The following ABCA9 variants were observed in gnomAD, a reference collection of about 807,000 sequenced individuals.
ABCA9 encodes ATP binding cassette subfamily A member 9.
In ABCA9, 183 loss-of-function variants were observed where a neutral mutation model predicts 205.3. The observed-to-expected ratio is 0.89, with a 90% CI of 0.79 to 1.01. The LOEUF (loss-of-function observed/expected upper bound fraction) is 1.01. Ranked by LOEUF, ABCA9 falls within the 50% of genes least tolerant of loss-of-function variation. ABCA9 has a pLI of 0.00. For synonymous variants in ABCA9, 651 were observed against 683.3 expected (o/e 0.95, Z 0.74); for missense variants, 1,805 against 1,912.4 (o/e 0.94, Z 1.05).
chr17:69,001,551 G>T (rs1322680966), intron 25 of ABCA9, among the ~76,000 whole-genome samples: 18 of 151,680 alleles, frequency 1.2e-4, no homozygotes, highest in South Asian at 2.1e-4. Context: ...GCATCAATGT[G>T]CATCAAGGAT....
chr17:69,017,687 T>G lies in ABCA9; in HGVS notation c.2870A>C (p.Asn957Thr). Residue 957 changes from asparagine (N) to threonine (T), a missense_variant, in exon 21 of 39, where the codon AAT (asparagine) becomes ACT (threonine). Physicochemically the swap from Asn to Thr is moderately conservative, Grantham distance 65. Transcript: ENST00000340001. ...TRNGTDDPSYNGAIIVSGDEK... is the reference protein window; with the variant it reads ...TRNGTDDPSYTGAIIVSGDEK... ...ATCACCTGACACAATGATAGCACCA[T>G]TGTAAGATGGGTCATCTGTGCCATT... The G allele has an allele frequency of 6.2e-7, 1 of 1,613,358 alleles. No homozygotes were observed. The highest frequency in any genetic ancestry group is 8.5e-7 in the Non-Finnish European group (1 of 1,179,428).
At chr17:69,049,237 G>A (rs1331727248) in intron 3 of ABCA9, 46 bp downstream of exon 3, 5 of 1,467,932 alleles carry the variant, frequency 3.4e-6, no homozygotes, top group Middle Eastern at 1.8e-4. Flanking sequence ...ATGAATTTGT[G>A]CCTTTTGCAA....
intron 28 of ABCA9, among the ~76,000 whole-genome samples, chr17:68,991,511 C>T (rs377223075): frequency 1.3e-5 from 2 of 152,128 alleles, no homozygotes; most frequent in East Asian, 1.9e-4. Context: ...CCATTGATTC[C>T]TGCTCATTCT....
At chr17:69,032,806 C>G (rs1433996069) in intron 9 of ABCA9, 2 of 152,274 alleles carry the variant, frequency 1.3e-5, no homozygotes, top group Admixed American at 6.5e-5. Context: ...AAATTTCTTA[C>G]TTGGGAAGTT....
chr17:69,010,887 A>C (rs190280651), intron 23 of ABCA9, among the ~76,000 whole-genome samples: 3 of 152,298 alleles, frequency 2.0e-5, no homozygotes, highest in Admixed American at 2.0e-4. Flanking sequence ...AAAATCATGA[A>C]GTGAGCACAA....
At chr17:69,067,415 G>C in the ABCA9 span, among the ~76,000 whole-genome samples, 1 of 151,846 alleles carries the variant, frequency 6.6e-6, no homozygotes, top group Admixed American at 6.6e-5. Flanking sequence ...AGGTGTGGTA[G>C]TACATGCCTG....
At chr17:68,999,741 C>G (rs889354023) in intron 25 of ABCA9, among the ~76,000 whole-genome samples, 1 of 152,140 alleles carries the variant, frequency 6.6e-6, no homozygotes, top group Non-Finnish European at 1.5e-5. Context: ...ATAGTCCCAC[C>G]AACAGTGTAA....
chr17:69,043,427 T>C (rs2071611348), intron 6 of ABCA9, 62 bp downstream of exon 6: 3 of 1,383,084 alleles, frequency 2.2e-6, no homozygotes, highest in African/African-American at 2.9e-5. Flanking sequence ...GTCTAAGGAG[T>C]CAACCAGCTA....
intron 34 of ABCA9, 31 bp downstream of exon 34, chr17:68,984,854 C>T (rs202172685): frequency 4.8e-5 from 78 of 1,613,974 alleles, no homozygotes; most frequent in Non-Finnish European, 5.9e-5. Context: ...TCAATACACT[C>T]ATGCAGAGGT....
intron 6 of ABCA9, among the ~76,000 whole-genome samples, chr17:69,036,890 AAAAAAAAAG>A: frequency 7.0e-6 from 1 of 143,302 alleles, no homozygotes; most frequent in African/African-American, 2.6e-5. Context: ...AAAAAAAAAA[AAAAAAAAAG>A]CAGAGGTTGC....
At chr17:69,050,931 A>G (rs1171271784) in intron 2 of ABCA9, 100 bp downstream of exon 2, 28 of 1,048,322 alleles carry the variant, frequency 2.7e-5, no homozygotes, top group African/African-American at 3.2e-5. Flanking sequence ...TAGACTACAC[A>G]TATGTGCAAT....
chr17:69,037,869 A>C, intron 6 of ABCA9, among the ~76,000 whole-genome samples: 1 of 152,214 alleles, frequency 6.6e-6, no homozygotes, highest in East Asian at 1.9e-4. Context: ...GATACAACAA[A>C]AAATGATAAA....
At chr17:68,983,568 G>T in intron 36 of ABCA9, 141 bp downstream of exon 36, 1 of 1,192,842 alleles carries the variant, frequency 8.4e-7, no homozygotes, top group Non-Finnish European at 1.2e-6. Context: ...TGAGCCCTTG[G>T]AATTGAATTT....
chr17:68,989,977 C>T, intron 29 of ABCA9, 47 bp from the exon 30 acceptor site: 2 of 1,315,586 alleles, frequency 1.5e-6, no homozygotes, highest in South Asian at 1.3e-5. Flanking sequence ...GCATCTTGAA[C>T]TGAGAGGGTG....
At chr17:69,047,416 T>A (rs1370085998) in intron 3 of ABCA9, among the ~76,000 whole-genome samples, 1 of 151,508 alleles carries the variant, frequency 6.6e-6, no homozygotes, top group Non-Finnish European at 1.5e-5. Flanking sequence ...TCTGCATGGC[T>A]GGGTGAAGCA....
intron 25 of ABCA9, among the ~76,000 whole-genome samples, chr17:68,997,060 A>G (rs919904732): frequency 2.0e-5 from 3 of 152,176 alleles, no homozygotes; most frequent in Admixed American, 6.5e-5. Flanking sequence ...CCTCCCAAGT[A>G]GCTGGGATTA....
chr17:69,059,759 C>T (rs910589723), intron 1 of ABCA9, among the ~76,000 whole-genome samples: 4 of 151,330 alleles, frequency 2.6e-5, no homozygotes, highest in Non-Finnish European at 4.4e-5. Context: ...GAGAACAAGA[C>T]AGGAAGACAT....
At chr17:69,061,209 C>T (rs540223646), upstream of ABCA9, 26 of 962,054 alleles carry the variant, frequency 2.7e-5, no homozygotes, top group East Asian at 9.2e-4. Context: ...CTTTCTCAAT[C>T]GGTCTTTTCA....
chr17:68,994,868 C>T (rs533901197), intron 26 of ABCA9, among the ~76,000 whole-genome samples: 2 of 152,296 alleles, frequency 1.3e-5, no homozygotes, highest in East Asian at 1.9e-4. Context: ...ATGAGTTTCT[C>T]TAACATCAGC....
Sources: allele counts gnomAD v4.1 joint callset (sites outside exome capture counted in the v4.1 genomes callset), GRCh38; gene constraint gnomAD v4.1.1; transcripts MANE v1.5; gene names NCBI Gene and HGNC (gene_info 2026-07-23, HGNC 2026-07-21).